The following SF3B4 variants were observed in gnomAD, a reference collection of about 807,000 sequenced individuals.
SF3B4 encodes SAP 49.
A neutral mutation model predicts 34.3 loss-of-function variants in SF3B4; 3 were observed. The ratio of observed to expected loss-of-function variants is 0.09; its 90% CI spans 0.04 to 0.23. The LOEUF (loss-of-function observed/expected upper bound fraction) is 0.23, where lower values mean the gene tolerates loss of function less well. Ranked by LOEUF, SF3B4 falls within the 10% of genes least tolerant of loss-of-function variation. The pLI is 1.00. For missense variants in SF3B4, 283 were observed against 567.2 expected (o/e 0.50, Z 5.09); for synonymous variants, 216 against 207.8 (o/e 1.04, Z -0.34).
rs2092600330 is a variant in SF3B4 at position 149,927,745 on chromosome 1, C to T, written c.15G>A (p.Pro5=). Residue 5 remains proline (P), a synonymous_variant, in exon 1 of 6, where the codon CCG becomes CCA. Transcript: ENST00000271628. MAAG[P]ISERNQDATV... ...AGTTACCCTGATTCCGCTCGGAGATCGGCCCGGCAGCCATGGCGAAAGAGA... is the reference window on the plus strand; with the variant it reads ...AGTTACCCTGATTCCGCTCGGAGATTGGCCCGGCAGCCATGGCGAAAGAGA... 3.9e-6 allele frequency: 6 copies of T among 1,553,364 alleles called. No homozygotes were observed. In the African/African-American group the frequency reaches 8.2e-5, roughly 21 times the overall value.
At position 149,926,584 on chromosome 1, in the gene SF3B4, G is replaced by A; in HGVS notation, c.498C>T (p.Tyr166=). The A allele has an allele frequency of 1.2e-6, 2 of 1,614,172 alleles. No homozygotes were observed. Among genetic ancestry groups the A allele is most frequent in the Non-Finnish European group, 1.7e-6 (2 of 1,180,022 alleles). The change falls in exon 3 of 6, where the codon TAC becomes TAT. Residue 166 remains tyrosine (Y), a synonymous_variant. Transcript: ENST00000271628. This position sits in a 1 kb window ranked among gnomAD's most constrained non-coding sequence, Gnocchi z 6.2. ...ATACGGTGATAGGACGGTTACAGAG[G>A]TACTGCCCATTCATGGCTTCAATTG... ...DAAIEAMNGQ[Y]LCNRPITVSY... is the part of the protein sequence containing the mutation.
chr1:149,923,510 G>C lies in SF3B4; in HGVS notation c.*32C>G. 6.5e-7 allele frequency: 1 copy of C among 1,536,232 alleles called. No homozygotes were observed. The highest frequency in any genetic ancestry group is 8.8e-7 in the Non-Finnish European group (1 of 1,141,036). ...GTCCAAGGAATAGAAAAGATATTGG[G>C]AAAATGTAACAGGAGGAAGGAAAAT... On this transcript the variant is annotated 3_prime_UTR_variant, in exon 6 of 6. Coordinates refer to ENST00000271628, the MANE Select transcript of SF3B4 (RefSeq NM_005850.5).
Position 149,923,863 on chromosome 1 carries a change from C to A in SF3B4, c.1065G>T (p.Gly355=). The change falls in exon 5 of 6, where the codon GGG becomes GGT. Residue 355 remains glycine (G), a synonymous_variant. Transcript: ENST00000271628. The part of the protein sequence containing the change: ...GPPPMGMPPR[G]PPFGSPMGHP... The stretch of plus-strand genomic sequence containing the variant: ...TACCCATGGGAGATCCGAATGGAGG[C>A]CCTCGGGGGGGCATGCCCATTGGAG... 1 of 1,601,388 alleles carries A rather than the reference C, an allele frequency of 6.2e-7. No homozygotes were observed. The highest frequency in any genetic ancestry group is 8.5e-7 in the Non-Finnish European group (1 of 1,175,932).
In SF3B4 at chr1:149,927,503, T is replaced by C; in HGVS notation, c.35-209A>G. 4 of 745,326 alleles carry C rather than the reference T, an allele frequency of 5.4e-6. No homozygotes were observed. The South Asian group carries it at 7.6e-5, about 14-fold the overall frequency. 46.2% of individuals were successfully genotyped at this position (745,326 alleles called of 1,614,324 possible). A position where few individuals can be genotyped will look rare whatever the true frequency, so the allele number is the denominator to read the frequency against. ...AATTTAGTATTGTGAGTGGGTTTTT[T>C]TGATTTTTTGAGTGAGAAGTCAGCA... On this transcript the variant is annotated intron_variant, in intron 1 of 5. Coordinates refer to ENST00000271628, the MANE Select transcript of SF3B4 (RefSeq NM_005850.5).
rs782007300 is a variant in SF3B4 at position 149,923,462 on chromosome 1, A to G, written c.*80T>C. The G allele has an allele frequency of 1.7e-5, 20 of 1,147,530 alleles. No homozygotes were observed. Among genetic ancestry groups the G allele is most frequent in the Non-Finnish European group, 2.4e-5 (20 of 827,262 alleles). 71.1% of individuals were successfully genotyped at this position (1,147,530 alleles called of 1,614,324 possible). On this transcript the variant is annotated 3_prime_UTR_variant, in exon 6 of 6. Transcript: ENST00000271628. ...GAAAGGGATTAGTACCTTTGCCCCA[A>G]GGAGCTACAGCATCTCTGATTGGTC...
chr1:149,925,737 T>C (rs782047214), intron 4 of SF3B4, 99 bp downstream of exon 4: 5 of 888,172 alleles, frequency 5.6e-6, no homozygotes, highest in South Asian at 5.4e-5. Flanking sequence ...AGGAAAACTC[T>C]GAAACTGTTA....
chr1:149,924,798 G>A (rs1373668279), intron 4 of SF3B4, among the ~76,000 whole-genome samples: 2 of 152,202 alleles, frequency 1.3e-5, no homozygotes, highest in Admixed American at 6.5e-5. Context: ...GGAAATGCCA[G>A]TTAACTCAGT....
intron 5 of SF3B4, 42 bp downstream of exon 5, chr1:149,923,799 C>CA: frequency 1.3e-6 from 2 of 1,540,506 alleles, no homozygotes; most frequent in Non-Finnish European, 1.7e-6. Flanking sequence ...GCTGTAAGAA[C>CA]ATGATAAGTG....
At chr1:149,925,527 T>C (rs587742523) in intron 4 of SF3B4, 1 of 360,628 alleles carries the variant, frequency 2.8e-6, no homozygotes, top group African/African-American at 2.2e-5. Flanking sequence ...TCAAACTAGA[T>C]AAGGAGCAGA....
intron 4 of SF3B4, among the ~76,000 whole-genome samples, chr1:149,924,766 GCAAACAGCACAGTATGTTC>G (rs1168753935): frequency 5.9e-5 from 9 of 152,150 alleles, no homozygotes; most frequent in Non-Finnish European, 1.2e-4. Context: ...CACAGGTGTG[GCAAACAGCACAGTATGTTC>G]CAGGAAATGC....
intron 1 of SF3B4, 88 bp downstream of exon 1, chr1:149,927,638 G>T: frequency 6.7e-7 from 1 of 1,496,016 alleles, no homozygotes; most frequent in Non-Finnish European, 9.1e-7. Flanking sequence ...GAGGAGTCCA[G>T]TCTCCCACCC....
At chr1:149,927,513 G>A in intron 1 of SF3B4, 1 of 740,210 alleles carries the variant, frequency 1.4e-6, no homozygotes, top group Non-Finnish European at 2.2e-6. Flanking sequence ...TTGATTTTTT[G>A]AGTGAGAAGT....
Position 149,927,263 on chromosome 1 carries a change from C to G in SF3B4, c.66G>C (p.Glu22Asp), listed in dbSNP as rs2092595742. ...DATVYVGGLD[E>D]KVSEPLLWEL... ...CCCACAGCAGCGGTTCACTAACCTT[C>G]TCATCCAGGCCCCCCACGTACACAG... Residue 22 changes from glutamate to aspartate, a missense_variant, in exon 2 of 6, where the codon GAG (glutamate) becomes GAC (aspartate). Transcript: ENST00000271628. 1.9e-6 allele frequency: 3 copies of G among 1,614,044 alleles called. No individual in the cohort carries two copies. Among genetic ancestry groups the G allele is most frequent in the Non-Finnish European group, 2.5e-6 (3 of 1,180,016 alleles).
rs781819790 is a variant in SF3B4 at position 149,926,464 on chromosome 1, G to A, written c.618C>T (p.Arg206=). 7.4e-6 allele frequency: 12 copies of A among 1,614,150 alleles called. No homozygotes were observed. The highest frequency in any genetic ancestry group is 3.3e-5 in the Admixed American group (2 of 60,024). The change falls in exon 3 of 6, where the codon CGC becomes CGT. Residue 206 remains arginine (R), a synonymous_variant. Transcript: ENST00000271628. This position sits in a 1 kb window ranked among gnomAD's most constrained non-coding sequence, Gnocchi z 6.2. ...GTGCATCTGCAAACAGCTGATGAGG[G>A]CGATCAGCCTGGGAGAGCGGGTTCT... The part of the protein sequence containing the change: ...AAQNPLSQAD[R]PHQLFADAPP...
rs2092595477 is a variant in SF3B4, at chr1:149,927,212, T to C, written c.117A>G (p.Val39=). Residue 39 remains valine (V), a synonymous_variant, in exon 2 of 6, where the codon GTA becomes GTG. Transcript: ENST00000271628. The part of the protein sequence containing the change: ...LWELFLQAGP[V]VNTHMPKDRV... ...TATCCTTTGGCATGTGGGTGTTGAC[T>C]ACTGGTCCAGCCTGGAGAAACAGTT... The C allele has an allele frequency of 2.5e-6, 4 of 1,614,184 alleles. No individual in the cohort carries two copies. In the East Asian group the frequency reaches 8.9e-5, roughly 36 times the overall value.
intron 4 of SF3B4, chr1:149,925,626 G>T (rs1167320423): frequency 3.2e-6 from 2 of 623,876 alleles, no homozygotes; most frequent in East Asian, 2.9e-5. Flanking sequence ...ATAAAAACTG[G>T]CAAGTAGAGT....
Position 149,923,853 on chromosome 1 carries a change from C to T in SF3B4, c.1075G>A (p.Gly359Arg). 1 of 1,597,392 alleles carries T rather than the reference C, an allele frequency of 6.3e-7. No individual in the cohort carries two copies. The highest frequency in any genetic ancestry group is 8.5e-7 in the Non-Finnish European group (1 of 1,174,670). The change falls in exon 5 of 6, where the codon GGA (glycine) becomes AGA (arginine). Residue 359 changes from glycine to arginine, a missense_variant. This residue lies in a region of SF3B4 where 208 missense variants were observed against 292.6 expected (regional missense o/e 0.71). Coordinates refer to ENST00000271628, the MANE Select transcript of SF3B4 (RefSeq NM_005850.5). ...MGMPPRGPPF[G>R]SPMGHPGPMP... ...AGAGCCGACTTACCCATGGGAGATC[C>T]GAATGGAGGCCCTCGGGGGGGCATG...
chr1:149,927,117 A>C (rs782643604), intron 2 of SF3B4, 49 bp downstream of exon 2: 1 of 1,602,576 alleles, frequency 6.2e-7, no homozygotes, highest in Non-Finnish European at 8.5e-7. Flanking sequence ...ACAGTTGTGA[A>C]TACTGCTGGG....
chr1:149,927,329 A>G (rs2092596225), intron 1 of SF3B4, 35 bp from the exon 2 acceptor site: 1 of 1,608,434 alleles, frequency 6.2e-7, no homozygotes, highest in African/African-American at 1.3e-5. Context: ...CAAGCGTGAG[A>G]GTGTAACGGG....
Sources: allele counts gnomAD v4.1 joint callset (sites outside exome capture counted in the v4.1 genomes callset), GRCh38; gene constraint gnomAD v4.1.1; regional missense constraint gnomAD v4.1.1; non-coding constraint Gnocchi (gnomAD v3.1); transcripts MANE v1.5; gene names NCBI Gene and HGNC (gene_info 2026-07-23, HGNC 2026-07-21).